Variants in RAPGEF1 observed in about 807,000 individuals in gnomAD.
RAPGEF1 encodes the protein CRK SH3-binding GNRP.
Under a neutral mutation model 143.3 loss-of-function variants are expected in RAPGEF1, and 33 were observed. That is an observed-to-expected ratio of 0.23 (90% CI 0.17 to 0.31). The LOEUF (loss-of-function observed/expected upper bound fraction) is 0.31, where lower values mean the gene tolerates loss of function less well. Ranked by LOEUF, RAPGEF1 falls within the 10% of genes least tolerant of loss-of-function variation. RAPGEF1 has a pLI of 1.00. For synonymous variants in RAPGEF1, 629 were observed against 676.5 expected, an observed-to-expected ratio of 0.93 and a Z score of 1.09; for missense variants, 1,199 against 1,645.4, an observed-to-expected ratio of 0.73 and a Z score of 4.69.
chr9:131,594,809 C>G (rs948208215), intron 17 of RAPGEF1, among the ~76,000 whole-genome samples: 1 of 152,220 alleles, frequency 6.6e-6, no homozygotes, highest in African/African-American at 2.4e-5. Context: ...GTCTCAGGGA[C>G]CCCTCCAGCC....
chr9:131,594,192 C>T (rs1303768823), intron 17 of RAPGEF1, among the ~76,000 whole-genome samples: 1 of 152,234 alleles, frequency 6.6e-6, no homozygotes, highest in Non-Finnish European at 1.5e-5. Context: ...ACGGGCAGTG[C>T]TGTGCCACCC....
At position 131,588,020 on chromosome 9, in the gene RAPGEF1, C is replaced by T. The variant is rs367627947; in HGVS notation, c.3060G>A (p.Gly1020=). ...LAARGVAARP[G]TLHDFHSHEI... Reference sequence around the variant, plus strand: ...CATGGCTGTGAAAGTCGTGCAAGGTCCCCGGCCTGGAAGACAGAGGTGTGA... The same window carrying T: ...CATGGCTGTGAAAGTCGTGCAAGGTTCCCGGCCTGGAAGACAGAGGTGTGA... The change falls in exon 21 of 27, where the codon GGG becomes GGA. Residue 1020 remains glycine (G), a synonymous_variant. Coordinates refer to ENST00000683357, the MANE Select transcript of RAPGEF1 (RefSeq NM_001377935.1). 12 of 1,611,844 alleles carry T rather than the reference C, an allele frequency of 7.4e-6. No individual in the cohort carries two copies. Among genetic ancestry groups the T allele is most frequent in the South Asian group, 2.2e-5 (2 of 90,856 alleles).
intron 19 of RAPGEF1, among the ~76,000 whole-genome samples, chr9:131,589,449 G>A (rs1386263208): frequency 3.9e-5 from 6 of 152,356 alleles, no homozygotes; most frequent in Non-Finnish European, 5.9e-5. Flanking sequence ...AAGGCAGTCC[G>A]CCTGATGGAG....
intron 17 of RAPGEF1, among the ~76,000 whole-genome samples, chr9:131,593,798 G>A (rs1332239237): frequency 6.6e-6 from 1 of 152,218 alleles, no homozygotes; most frequent in Non-Finnish European, 1.5e-5. Context: ...CCAGTTCACT[G>A]TCAAGCTTGG....
chr9:131,615,115 C>T (rs139716624), intron 12 of RAPGEF1, among the ~76,000 whole-genome samples: 145 of 152,316 alleles, frequency 9.5e-4, no homozygotes, highest in African/African-American at 3.2e-3. Context: ...CTCTGTTGCC[C>T]AGGCTGGAGC....
In RAPGEF1 at chr9:131,621,170, G is replaced by A. The variant is rs1202564966; in HGVS notation, c.1905+626C>T. On this transcript the variant is annotated intron_variant, in intron 11 of 26. Coordinates refer to ENST00000683357, the MANE Select transcript of RAPGEF1 (RefSeq NM_001377935.1). The surrounding 1 kb of genome is among the most constrained non-coding windows in gnomAD (Gnocchi z 4.5). The stretch of plus-strand genomic sequence containing the variant: ...TCCAGAGCCTCATGGGGTGCCCACG[G>A]TGGAACAGCTTGCCTTCTGTGCTGG... Among the ~76,000 whole-genome samples, 1 of 152,258 alleles carries A rather than the reference G, an allele frequency of 6.6e-6. No individual in the cohort carries two copies. Among genetic ancestry groups the A allele is most frequent in the African/African-American group, 2.4e-5 (1 of 41,472 alleles).
chr9:131,599,316 C>T (rs1011134461), intron 15 of RAPGEF1, among the ~76,000 whole-genome samples: 1 of 150,924 alleles, frequency 6.6e-6, no homozygotes, highest in South Asian at 2.1e-4. Flanking sequence ...GGGATGAGGT[C>T]TCACTATGTA....
At chr9:131,597,561 G>A (rs1325301079) in intron 16 of RAPGEF1, among the ~76,000 whole-genome samples, 2 of 152,132 alleles carry the variant, frequency 1.3e-5, no homozygotes, top group Non-Finnish European at 2.9e-5. Flanking sequence ...TTATGAAGCC[G>A]CTCCTTTGTA....
intron 1 of RAPGEF1, among the ~76,000 whole-genome samples, chr9:131,730,093 C>T (rs1269680193): frequency 6.8e-6 from 1 of 147,792 alleles, no homozygotes; most frequent in African/African-American, 2.5e-5. Context: ...ACTCAGGAGG[C>T]TGAGGCAGGA....
At chr9:131,602,768 T>C (rs1478157649) in intron 14 of RAPGEF1, among the ~76,000 whole-genome samples, 1 of 151,914 alleles carries the variant, frequency 6.6e-6, no homozygotes, top group African/African-American at 2.4e-5. Context: ...GCCAGTCCCC[T>C]CTTCCTCCGG....
intron 1 of RAPGEF1, among the ~76,000 whole-genome samples, chr9:131,681,121 C>G (rs1832873992): frequency 6.6e-6 from 1 of 152,124 alleles, no homozygotes; most frequent in African/African-American, 2.4e-5. Flanking sequence ...AGCTAGGTAA[C>G]AAAAGAGGTT....
intron 12 of RAPGEF1, among the ~76,000 whole-genome samples, chr9:131,607,322 G>A (rs916824779): frequency 4.6e-5 from 7 of 152,186 alleles, no homozygotes; most frequent in African/African-American, 9.6e-5. Flanking sequence ...CTGGCTTGCC[G>A]CCCTCACCTA....
rs1320803888 is a variant in RAPGEF1, at chr9:131,605,017, CGGTGCTGGGAGGTGGACCGGCCAT to C, written c.2209_2232del (p.Met737_Thr744del). ...TGAGAAGCCGAGAGAGGCCCGTCCA[CGGTGCTGGGAGGTGGACCGGCCAT>C]GGTTGGCACGGCTAAGTCAGAGCTC... On this transcript the variant is annotated inframe_deletion, in exon 13 of 27. Coordinates refer to ENST00000683357, the MANE Select transcript of RAPGEF1 (RefSeq NM_001377935.1). 1.5e-6 allele frequency: 2 copies of C among 1,360,874 alleles called. No homozygotes were observed. The highest frequency in any genetic ancestry group is 9.2e-5 in the East Asian group (2 of 21,822). The allele number at this position is 1,360,874 out of a possible 1,614,324, so 84.3% of individuals were successfully genotyped here.
rs775177314 is a variant in RAPGEF1 at position 131,628,994 on chromosome 9, AG to A, written c.893+107del. 2 of 1,414,546 alleles carry A rather than the reference AG, an allele frequency of 1.4e-6. No individual in the cohort carries two copies. The highest frequency in any genetic ancestry group is 9.4e-7 in the Non-Finnish European group (1 of 1,060,580). The allele number at this position is 1,414,546 out of a possible 1,614,324, so 87.6% of individuals were successfully genotyped here. On this transcript the variant is annotated intron_variant, in intron 7 of 26. Coordinates refer to ENST00000683357, the MANE Select transcript of RAPGEF1 (RefSeq NM_001377935.1). The surrounding 1 kb of genome is among the most constrained non-coding windows in gnomAD (Gnocchi z 5.7). Reference sequence around the variant, plus strand: ...GGACAGCTCCAGAGTCAGCCTCCCAAGGGGGGCCAAGCCCTCAGCGCTGAGG... The same window carrying A: ...GGACAGCTCCAGAGTCAGCCTCCCAAGGGGGCCAAGCCCTCAGCGCTGAGG...
chr9:131,615,197 C>G (rs1414816836), intron 12 of RAPGEF1, among the ~76,000 whole-genome samples: 2 of 152,220 alleles, frequency 1.3e-5, no homozygotes, highest in African/African-American at 4.8e-5. Flanking sequence ...CTCAGCCTCC[C>G]AAGTAGCTGG....
intron 1 of RAPGEF1, among the ~76,000 whole-genome samples, chr9:131,688,419 A>G (rs1441553198): frequency 6.6e-6 from 1 of 152,224 alleles, no homozygotes; most frequent in East Asian, 1.9e-4. Flanking sequence ...TTAACTACCC[A>G]TTAACATAAG....
At chr9:131,591,365 G>A (rs569410516) in intron 18 of RAPGEF1, among the ~76,000 whole-genome samples, 3 of 152,334 alleles carry the variant, frequency 2.0e-5, no homozygotes, top group Admixed American at 2.0e-4. Context: ...GCAGCCGTGG[G>A]CTATGTGCAA....
intron 1 of RAPGEF1, among the ~76,000 whole-genome samples, chr9:131,664,448 A>G (rs956394853): frequency 6.6e-6 from 1 of 152,138 alleles, no homozygotes; most frequent in Non-Finnish European, 1.5e-5. Flanking sequence ...GAGTGTGTAT[A>G]TATCTATATA....
chr9:131,737,380 C>G, intron 1 of RAPGEF1: 1 of 1,613,784 alleles, frequency 6.2e-7, no homozygotes, highest in Non-Finnish European at 8.5e-7. Context: ...TCCTCATTCC[C>G]GCACTCATGA....
Sources: gnomAD v4.1 joint callset for allele counts (sites outside exome capture counted in the v4.1 genomes callset) on GRCh38, gnomAD v4.1.1 for gene constraint, Gnocchi (gnomAD v3.1) non-coding constraint, MANE v1.5 for transcripts, NCBI Gene and HGNC (gene_info 2026-07-23, HGNC 2026-07-21) for gene names.